Variants in SIN3A observed in about 807,000 individuals in gnomAD.
SIN3A encodes SIN3 transcription regulator family member A, also known as paired amphipathic helix protein Sin3a.
In SIN3A, 14 loss-of-function variants were observed where a neutral mutation model predicts 146.1. The ratio of observed to expected loss-of-function variants is 0.10; its 90% confidence interval spans 0.06 to 0.15. The LOEUF (loss-of-function observed/expected upper bound fraction) is 0.15, where lower values mean the gene tolerates loss of function less well. SIN3A is among the 10% of genes least tolerant of loss of function. The probability of loss-of-function intolerance (pLI) is 1.00; values close to 1 mark genes in which losing one functional copy is unlikely to be tolerated. For missense variants in SIN3A, 1,028 were observed against 1,576.0 expected, an observed-to-expected ratio of 0.65 and a Z score of 5.89; for synonymous variants, 572 against 572.0, an observed-to-expected ratio of 1.00 and a Z score of 0.00.
In SIN3A at chr15:75,447,901, C is replaced by T. The variant is rs898132662; in HGVS notation, c.-34+3522G>A. Reference sequence around the variant, plus strand: ...AGAAATTGCCACCCATGACCGGGCACGGTGACTCACGTCTTAATCCTAGCA... The same window carrying T: ...AGAAATTGCCACCCATGACCGGGCATGGTGACTCACGTCTTAATCCTAGCA... On this transcript the variant is annotated intron_variant, in intron 1 of 20. Coordinates refer to ENST00000394947, the MANE Select transcript of SIN3A (RefSeq NM_001145358.2). Among the ~76,000 whole-genome samples, 4 of 152,244 alleles carry T rather than the reference C, an allele frequency of 2.6e-5. 1 individual carries two copies. Among genetic ancestry groups the T allele is most frequent in the Admixed American group, 1.3e-4 (2 of 15,288 alleles).
rs2073587880 is a variant in SIN3A at position 75,409,549 on chromosome 15, AC to A, written c.1317+286del. ...AGACCATCCTGGCTAACACGGTGAA[AC>A]CCCGTCTCCACTAAAAAAAAAAAAA... On this transcript the variant is annotated intron_variant, in intron 8 of 20. Transcript: ENST00000394947. Among the ~76,000 whole-genome samples the A allele has an allele frequency of 7.3e-5, 11 of 150,384 alleles. No homozygotes were observed. The South Asian group carries it at 2.1e-3, about 29-fold the overall frequency.
chr15:75,391,940 A>G (rs1463159202), intron 15 of SIN3A, among the ~76,000 whole-genome samples: 4 of 152,218 alleles, frequency 2.6e-5, no homozygotes, highest in Non-Finnish European at 4.4e-5. Context: ...TTTGAAACAG[A>G]TGGCAGTAAC....
chr15:75,407,720 G>T (rs1029715980), intron 8 of SIN3A, among the ~76,000 whole-genome samples: 1 of 151,438 alleles, frequency 6.6e-6, no homozygotes, highest in Non-Finnish European at 1.5e-5. Context: ...GTGAAACCCC[G>T]TCTCTACTAA....
At chr15:75,435,033 G>A (rs909938858) in intron 1 of SIN3A, among the ~76,000 whole-genome samples, 6 of 152,038 alleles carry the variant, frequency 3.9e-5, no homozygotes, top group African/African-American at 1.4e-4. Context: ...AAACACTGAT[G>A]GAGGAGGCTT....
chr15:75,403,635 G>A (rs2073454468), intron 9 of SIN3A, among the ~76,000 whole-genome samples: 2 of 151,218 alleles, frequency 1.3e-5, no homozygotes, highest in Admixed American at 1.3e-4. Flanking sequence ...CTGCCTCCCG[G>A]GTTCAAGCGA....
intron 20 of SIN3A, among the ~76,000 whole-genome samples, chr15:75,373,761 AAAAAAAAGAAAG>A (rs1228323022): frequency 1.3e-5 from 2 of 151,946 alleles, no homozygotes; most frequent in African/African-American, 4.8e-5. Flanking sequence ...CATTAAAAAA[AAAAAAAAGAAAG>A]AAAAAAAGAA....
chr15:75,406,408 C>A (rs904474214), intron 9 of SIN3A, among the ~76,000 whole-genome samples: 1 of 152,212 alleles, frequency 6.6e-6, no homozygotes, highest in African/African-American at 2.4e-5. Flanking sequence ...AAGTCATCGG[C>A]CAGGCGCGGT....
chr15:75,413,955 C>G (rs4564532), intron 4 of SIN3A, among the ~76,000 whole-genome samples: 54,140 of 151,914 alleles, frequency 0.36, 10,935 homozygotes, highest in African/African-American at 0.54. Flanking sequence ...TAAATCACTA[C>G]CAGTGCTACT....
chr15:75,385,156 G>A (rs1218243025), intron 16 of SIN3A, among the ~76,000 whole-genome samples: 1 of 152,178 alleles, frequency 6.6e-6, no homozygotes, highest in African/African-American at 2.4e-5. Context: ...CCGTGAGCTG[G>A]GGTGAGGAAG....
At chr15:75,396,060 A>T (rs1467728040) in intron 13 of SIN3A, among the ~76,000 whole-genome samples, 198 bp downstream of exon 13, 2 of 152,172 alleles carry the variant, frequency 1.3e-5, no homozygotes, top group Non-Finnish European at 2.9e-5. Context: ...CCATGAACTT[A>T]CAAGATTTGT....
intron 19 of SIN3A, among the ~76,000 whole-genome samples, chr15:75,377,426 A>G (rs1185664367): frequency 6.6e-6 from 1 of 152,064 alleles, no homozygotes; most frequent in Non-Finnish European, 1.5e-5. Context: ...GGAGTTTGAG[A>G]CTAGCCTGGC....
At chr15:75,422,234 A>T (rs2073851685) in intron 3 of SIN3A, 1 of 279,606 alleles carries the variant, frequency 3.6e-6, no homozygotes, top group Non-Finnish European at 6.7e-6. Flanking sequence ...AAAACTAAAA[A>T]AAAAAATTTT....
At chr15:75,431,224 G>A (rs2074008756) in intron 1 of SIN3A, among the ~76,000 whole-genome samples, 1 of 152,184 alleles carries the variant, frequency 6.6e-6, no homozygotes, top group Non-Finnish European at 1.5e-5. Context: ...AATTTAAGAT[G>A]CTACGTAACT....
At chr15:75,455,036 TCTCCCGCCCC>T (rs1567448530), upstream of SIN3A, 1 of 148,346 alleles carries the variant, frequency 6.7e-6, no homozygotes, top group East Asian at 2.1e-4. Flanking sequence ...TCCGGTGGCC[TCTCCCGCCCC>T]CGGCCGCCCC....
intron 13 of SIN3A, 82 bp downstream of exon 13, chr15:75,396,170 CCAGGTT>C: frequency 1.0e-6 from 1 of 978,880 alleles, no homozygotes; most frequent in Middle Eastern, 2.2e-4. Context: ...CATGGGACAA[CCAGGTT>C]GAAAATGAGA....
chr15:75,375,686 G>T lies in SIN3A; in HGVS notation c.3570C>A (p.Thr1190=), dbSNP rs1023147564. 6.8e-6 allele frequency: 11 copies of T among 1,613,782 alleles called. No individual in the cohort carries two copies. Among genetic ancestry groups the T allele is most frequent in the Non-Finnish European group, 9.3e-6 (11 of 1,179,850 alleles). ...TCACCTGATGAGCCCGGAGCAGGGC[G>T]GTCCTCCGATACATATAGTCCTCTG... ...IKSEDYMYRR[T]ALLRAHQSHE... Residue 1190 remains threonine, a synonymous_variant, in exon 20 of 21, where the codon ACC becomes ACA. Coordinates refer to ENST00000394947, the MANE Select transcript of SIN3A (RefSeq NM_001145358.2).
chr15:75,399,324 C>T (rs2073365637), intron 12 of SIN3A, among the ~76,000 whole-genome samples: 1 of 152,046 alleles, frequency 6.6e-6, no homozygotes, highest in Non-Finnish European at 1.5e-5. Flanking sequence ...GTCAGGAGAT[C>T]GAGACCATCC....
Position 75,371,317 on chromosome 15 carries a change from A to G in SIN3A, c.*662T>C, listed in dbSNP as rs2072747649. On this transcript the variant is annotated 3_prime_UTR_variant, in exon 21 of 21. Transcript: ENST00000394947. The stretch of plus-strand genomic sequence containing the variant: ...AACAGTTCCACGGGAGCTAAAAAGG[A>G]CAACTGATTTGAACTCGTTGAGGTT... 6.6e-6 allele frequency: 1 copy of G among 152,570 alleles called. No homozygotes were observed. The highest frequency in any genetic ancestry group is 2.4e-5 in the African/African-American group (1 of 41,440). 9.5% of individuals were successfully genotyped at this position (152,570 alleles called of 1,614,324 possible). A position where few individuals can be genotyped will look rare whatever the true frequency, so the allele number is the denominator to read the frequency against.
At chr15:75,441,902 C>T (rs1241585261) in intron 1 of SIN3A, among the ~76,000 whole-genome samples, 1 of 151,866 alleles carries the variant, frequency 6.6e-6, no homozygotes, top group African/African-American at 2.4e-5. Context: ...GGGTGGATCA[C>T]GAGGTCAGGA....
Sources: allele counts gnomAD v4.1 joint callset (sites outside exome capture counted in the v4.1 genomes callset), GRCh38; gene constraint gnomAD v4.1.1; transcripts MANE v1.5; gene names NCBI Gene and HGNC (gene_info 2026-07-23, HGNC 2026-07-21).